The following KIF2A variants were observed in gnomAD, a reference collection of about 807,000 sequenced individuals.
The protein encoded by KIF2A is kinesin family member 2A, also known as kinesin-like protein KIF2A.
KIF2A carries 22 observed loss-of-function variants against 100.2 expected under a neutral mutation model. That is an observed-to-expected ratio of 0.22 (90% CI 0.16 to 0.31). KIF2A has a LOEUF of 0.31. Ranked by LOEUF, KIF2A falls within the 10% of genes least tolerant of loss-of-function variation. KIF2A has a pLI of 1.00. For missense variants in KIF2A, 495 were observed against 898.7 expected (o/e 0.55, Z 5.74); for synonymous variants, 268 against 285.9 (o/e 0.94, Z 0.63).
At chr5:62,335,625 G>A (rs1256172478) in intron 1 of KIF2A, among the ~76,000 whole-genome samples, 1 of 152,168 alleles carries the variant, frequency 6.6e-6, no homozygotes, top group African/African-American at 2.4e-5. Context: ...GGGAACCTGG[G>A]AGGCAGGGCT....
In KIF2A at chr5:62,390,503, G is replaced by A. The variant is rs1313544167; in HGVS notation, c.*4934G>A. Among the ~76,000 whole-genome samples, 2 of 152,132 alleles carry A rather than the reference G, an allele frequency of 1.3e-5. No individual in the cohort carries two copies. Among genetic ancestry groups the A allele is most frequent in the East Asian group, 3.9e-4 (2 of 5,190 alleles). On this transcript the variant is annotated 3_prime_UTR_variant, in exon 21 of 21. Transcript: ENST00000407818. ...TTTTAAAAATCAGATCCAGTTACAT[G>A]TATTATGATTTTTCTACCTTATGGA... is the stretch of plus-strand genomic sequence containing the variant.
chr5:62,376,082 G>A (rs552195240), intron 18 of KIF2A, among the ~76,000 whole-genome samples: 3 of 152,282 alleles, frequency 2.0e-5, no homozygotes, highest in African/African-American at 7.2e-5. Context: ...GAAAACCAGA[G>A]CAAGATAAGT....
chr5:62,337,419 G>GA, intron 1 of KIF2A, among the ~76,000 whole-genome samples: 1 of 150,554 alleles, frequency 6.6e-6, no homozygotes, highest in East Asian at 2.0e-4. Context: ...TTGAACCTGG[G>GA]AGGCAGAGGT....
In KIF2A at chr5:62,356,935, A is replaced by G. The variant is rs146296583; in HGVS notation, c.655-756A>G. ...TGAGTAGCTGGAATTACAGGCATGC[A>G]CCACCATGCCCAGCTAGTTTTTATA... On this transcript the variant is annotated intron_variant, in intron 7 of 20. Transcript: ENST00000407818. Among the ~76,000 whole-genome samples, 105 of 151,982 alleles carry G rather than the reference A, an allele frequency of 6.9e-4. 1 individual carries two copies. Among genetic ancestry groups the G allele is most frequent in the Admixed American group, 6.4e-3 (98 of 15,250 alleles).
intron 1 of KIF2A, among the ~76,000 whole-genome samples, chr5:62,335,045 G>A (rs1746866820): frequency 6.6e-6 from 1 of 152,214 alleles, no homozygotes; most frequent in Non-Finnish European, 1.5e-5. Context: ...TTTTTAGAAG[G>A]TGAGGGACCA....
Position 62,363,166 on chromosome 5 carries a change from G to T in KIF2A, c.1120-12G>T, listed in dbSNP as rs745931034. Reference sequence around the variant, plus strand: ...AAAGCTAGTTTTCTAATTTGAATATGGTTTTTCATAGGTGTTTGACTTGCT... The same window carrying T: ...AAAGCTAGTTTTCTAATTTGAATATTGTTTTTCATAGGTGTTTGACTTGCT... On this transcript the variant is annotated splice_polypyrimidine_tract_variant and intron_variant, in intron 12 of 20. Transcript: ENST00000407818. 124 of 1,588,156 alleles carry T rather than the reference G, an allele frequency of 7.8e-5. No homozygotes were observed. Among genetic ancestry groups the T allele is most frequent in the Non-Finnish European group, 1.0e-4 (120 of 1,166,508 alleles).
At chr5:62,352,764 TC>T in intron 5 of KIF2A, 54 bp downstream of exon 5, 1 of 1,470,656 alleles carries the variant, frequency 6.8e-7, no homozygotes, top group Non-Finnish European at 9.3e-7. Context: ...ATGTATTCTC[TC>T]TTGGTCATCC....
At position 62,372,468 on chromosome 5, in the gene KIF2A, C is replaced by G. The variant is rs1485902627; in HGVS notation, c.1677C>G (p.Asp559Glu). ...RVKEFGISPSDIPFSQGSGSR... is the reference protein window; with the variant it reads ...RVKEFGISPSEIPFSQGSGSR... ...AGGAGTTTGGAATTAGTCCATCAGACATTCCCTTCTCACAGGGTAGTGGCA... is the reference window on the plus strand; with the variant it reads ...AGGAGTTTGGAATTAGTCCATCAGAGATTCCCTTCTCACAGGGTAGTGGCA... The change falls in exon 17 of 21, where the codon GAC becomes GAG. Residue 559 changes from aspartate to glutamate, a missense_variant. Coordinates refer to ENST00000407818, the MANE Select transcript of KIF2A (RefSeq NM_001098511.3). The G allele has an allele frequency of 6.2e-7, 1 of 1,611,338 alleles. No homozygotes were observed. The highest frequency in any genetic ancestry group is 8.5e-7 in the Non-Finnish European group (1 of 1,177,760).
At chr5:62,353,972 T>C (rs1336779919) in intron 6 of KIF2A, among the ~76,000 whole-genome samples, 1 of 152,182 alleles carries the variant, frequency 6.6e-6, no homozygotes, top group African/African-American at 2.4e-5. Flanking sequence ...TTATTATACA[T>C]AACTGCACCA....
intron 11 of KIF2A, among the ~76,000 whole-genome samples, 168 bp downstream of exon 11, chr5:62,361,697 A>G (rs1013719965): frequency 1.4e-5 from 2 of 142,098 alleles, no homozygotes; most frequent in Admixed American, 7.3e-5. Context: ...AAGATTATAT[A>G]TTCACAATAA....
intron 1 of KIF2A, chr5:62,308,394 GGT>G: frequency 7.2e-7 from 1 of 1,391,436 alleles, no homozygotes; most frequent in Non-Finnish European, 9.8e-7. Context: ...ACCTGTCCCT[GGT>G]ATACACCCAA....
chr5:62,372,429 G>GT lies in KIF2A; in HGVS notation c.1647-8dup. 6.7e-7 allele frequency: 1 copy of GT among 1,497,180 alleles called. No individual in the cohort carries two copies. The highest frequency in any genetic ancestry group is 1.4e-5 in the African/African-American group (1 of 72,584). 92.7% of individuals were successfully genotyped at this position (1,497,180 alleles called of 1,614,324 possible). A position where few individuals can be genotyped will look rare whatever the true frequency, so the allele number is the denominator to read the frequency against. On this transcript the variant is annotated splice_polypyrimidine_tract_variant and intron_variant, in intron 16 of 20. Coordinates refer to ENST00000407818, the MANE Select transcript of KIF2A (RefSeq NM_001098511.3). ...TTTCTTTTAATTTGTTGCTCTTTTG[G>GT]TGCTGCAGAGTAAAGGAGTTTGGAA...
At chr5:62,383,774 A>G (rs1024090808) in intron 20 of KIF2A, among the ~76,000 whole-genome samples, 3 of 152,166 alleles carry the variant, frequency 2.0e-5, no homozygotes, top group Non-Finnish European at 4.4e-5. Context: ...CAGAAGACAG[A>G]TCCTAATGCA....
At chr5:62,350,728 A>G (rs1474213273) in intron 4 of KIF2A, among the ~76,000 whole-genome samples, 2 of 151,928 alleles carry the variant, frequency 1.3e-5, no homozygotes, top group Admixed American at 6.6e-5. Context: ...CCTGGTCAAC[A>G]TGGTGAAACC....
chr5:62,325,654 C>T (rs1746338633), intron 1 of KIF2A, among the ~76,000 whole-genome samples: 1 of 152,080 alleles, frequency 6.6e-6, no homozygotes, highest in Non-Finnish European at 1.5e-5. Context: ...CAGATGTTGG[C>T]CAGGTTGCAG....
At chr5:62,336,023 G>A (rs1227498753) in intron 1 of KIF2A, among the ~76,000 whole-genome samples, 1 of 152,100 alleles carries the variant, frequency 6.6e-6, no homozygotes, top group Non-Finnish European at 1.5e-5. Context: ...ATGGATTGAG[G>A]CTTCTGGTTC....
chr5:62,345,377 G>C (rs1433734446), intron 1 of KIF2A, among the ~76,000 whole-genome samples: 2 of 148,236 alleles, frequency 1.3e-5, no homozygotes, highest in Non-Finnish European at 3.0e-5. Context: ...GACAGAGCAA[G>C]ACTCTGTCTC....
intron 9 of KIF2A, among the ~76,000 whole-genome samples, chr5:62,360,091 A>G (rs1748322571): frequency 6.6e-6 from 1 of 151,810 alleles, no homozygotes; most frequent in Non-Finnish European, 1.5e-5. Flanking sequence ...TCCCAGTTCA[A>G]GCGATTCTCC....
intron 1 of KIF2A, 123 bp from the exon 2 acceptor site, chr5:62,347,007 C>A (rs886422645): frequency 1.7e-6 from 1 of 605,444 alleles, no homozygotes; most frequent in African/African-American, 1.9e-5. Flanking sequence ...CTGTGGAAAT[C>A]TCTTGTAAGG....
Sources: allele counts gnomAD v4.1 joint callset (sites outside exome capture counted in the v4.1 genomes callset), GRCh38; gene constraint gnomAD v4.1.1; transcripts MANE v1.5; gene names NCBI Gene and HGNC (gene_info 2026-07-23, HGNC 2026-07-21).